The following FOXF2 variants were observed in gnomAD, a reference collection of about 807,000 sequenced individuals.
FOXF2 encodes forkhead box protein F2.
FOXF2 carries 15 observed loss-of-function variants against 29.1 expected under a neutral mutation model. The ratio of observed to expected loss-of-function variants is 0.52; its 90% confidence interval spans 0.35 to 0.79. FOXF2 has a LOEUF of 0.79. Among genes scored for constraint, FOXF2 ranks in the 30% least tolerant of loss-of-function variants. The pLI, the probability that FOXF2 is intolerant of heterozygous loss-of-function variation, is 0.01. For synonymous variants in FOXF2, 337 were observed against 316.5 expected (o/e 1.06, Z -0.69); for missense variants, 675 against 667.1 (o/e 1.01, Z -0.13).
At chr6:1,392,476 A>ACACCC (rs57146251) in intron 1 of FOXF2, among the ~76,000 whole-genome samples, 3 of 139,978 alleles carry the variant, frequency 2.1e-5, no homozygotes, top group East Asian at 4.4e-4. Flanking sequence ...ACACACACAC[A>ACACCC]CCCCTCGGTG....
At position 1,390,093 on chromosome 6, in the gene FOXF2, C is replaced by G. The variant is rs1758746057; in HGVS notation, c.146C>G (p.Ser49Trp). ...GCCCCGGAGACCACCTCCTCCTCCT[C>G]GTCGTCGTCCTCCGCCTCCTGCGCC... is the stretch of plus-strand genomic sequence containing the variant. ...AAAPETTSSS[S>W]SSSSASCASS... Residue 49 changes from serine to tryptophan, a missense_variant, in exon 1 of 2, where the codon TCG becomes TGG. By Grantham distance (177) the Ser-to-Trp change is radical (BLOSUM62 -3). Around this residue, in one of 3 missense-constraint regions of FOXF2, gnomAD observed 220 missense variants for 205.5 expected, o/e 1.07. Coordinates refer to ENST00000645481, the MANE Select transcript of FOXF2 (RefSeq NM_001452.2). This position sits in a 1 kb window ranked among gnomAD's most constrained non-coding sequence, Gnocchi z 8.5. 7.0e-7 allele frequency: 1 copy of G among 1,423,150 alleles called. No homozygotes were observed. The highest frequency in any genetic ancestry group is 9.3e-7 in the Non-Finnish European group (1 of 1,076,404). The allele number at this position is 1,423,150 out of a possible 1,614,324, so 88.2% of individuals were successfully genotyped here.
chr6:1,390,021 C>A lies in FOXF2; in HGVS notation c.74C>A (p.Ala25Asp). Residue 25 changes from alanine to aspartate, a missense_variant, in exon 1 of 2, where the codon GCC (alanine) becomes GAC (aspartate). Ala to Asp is a moderately radical substitution (Grantham distance 126). This residue lies in a region of FOXF2 where 220 missense variants were observed against 205.5 expected (regional missense o/e 1.07). Coordinates refer to ENST00000645481, the MANE Select transcript of FOXF2 (RefSeq NM_001452.2). This position sits in a 1 kb window ranked among gnomAD's most constrained non-coding sequence, Gnocchi z 8.5. The stretch of plus-strand genomic sequence containing the variant: ...AGCCCGGTCCCCGGCGCGCTCCAGG[C>A]CGCCCTGATGAGCCCGCCGCCCGCC... ...ACSPVPGALQ[A>D]ALMSPPPAAA... The A allele has an allele frequency of 7.9e-7, 1 of 1,273,262 alleles. No individual in the cohort carries two copies. The highest frequency in any genetic ancestry group is 2.0e-5 in the South Asian group (1 of 50,574). 78.9% of individuals were successfully genotyped at this position (1,273,262 alleles called of 1,614,324 possible).
rs760468619 is a variant in FOXF2, at chr6:1,390,884, A to G, written c.937A>G (p.Ser313Gly). ...CGGCGGCGACTACGGGCCGGACAGC[A>G]GCAGCAGCCCGGTACCCTCGTCCCC... ...GGGGDYGPDS[S>G]SSPVPSSPAM... is the part of the protein sequence containing the mutation. Residue 313 changes from serine (S) to glycine (G), a missense_variant, in exon 1 of 2, where the codon AGC (serine) becomes GGC (glycine). This residue lies in a region of FOXF2 where 451 missense variants were observed against 437.2 expected (regional missense o/e 1.03). Coordinates refer to ENST00000645481, the MANE Select transcript of FOXF2 (RefSeq NM_001452.2). The surrounding 1 kb of genome is among the most constrained non-coding windows in gnomAD (Gnocchi z 8.5). 4.8e-5 allele frequency: 73 copies of G among 1,531,510 alleles called. 1 individual carries two copies. In the South Asian group the frequency reaches 8.6e-4, roughly 18 times the overall value. The allele number at this position is 1,531,510 out of a possible 1,614,324, so 94.9% of individuals were successfully genotyped here.
At chr6:1,393,574 A>T (rs1461617958) in intron 1 of FOXF2, among the ~76,000 whole-genome samples, 3 of 152,040 alleles carry the variant, frequency 2.0e-5, no homozygotes, top group Admixed American at 6.5e-5. Flanking sequence ...GCGGCCCCTG[A>T]GCAGCCGCCT....
rs1175567015 is a variant in FOXF2 at position 1,390,712 on chromosome 6, C to T, written c.765C>T (p.Ala255=). The T allele has an allele frequency of 2.3e-5, 33 of 1,446,372 alleles. No individual in the cohort carries two copies. Among genetic ancestry groups the T allele is most frequent in the Non-Finnish European group, 7.2e-6 (8 of 1,110,720 alleles). 89.6% of individuals were successfully genotyped at this position (1,446,372 alleles called of 1,614,324 possible). ...ACATGATGCCCGCGGGCTACGACGC[C>T]GGCGCGGGCGCCCCCAGCCACGCGC... The part of the protein sequence containing the change: ...GLDMMPAGYD[A]GAGAPSHAHP... The change falls in exon 1 of 2, where the codon GCC becomes GCT. Residue 255 remains alanine, a synonymous_variant. Transcript: ENST00000645481. This position sits in a 1 kb window ranked among gnomAD's most constrained non-coding sequence, Gnocchi z 8.5.
At position 1,390,070 on chromosome 6, in the gene FOXF2, C is replaced by CGCCG; in HGVS notation, c.123_124insGCCG (p.Pro42AlafsTer123). On this transcript the variant is annotated frameshift_variant, in exon 1 of 2. Transcript: ENST00000645481. LOFTEE classifies it high-confidence loss of function. This position sits in a 1 kb window ranked among gnomAD's most constrained non-coding sequence, Gnocchi z 8.5. Reference sequence around the variant, plus strand: ...CCGCCGCCGCCGCCGCCGCCGCCGCCCCGGAGACCACCTCCTCCTCCTCGT... The same window carrying CGCCG: ...CCGCCGCCGCCGCCGCCGCCGCCGCCGCCGCCGGAGACCACCTCCTCCTCCTCGT... 2 of 1,397,774 alleles carry CGCCG rather than the reference C, an allele frequency of 1.4e-6. No homozygotes were observed. Among genetic ancestry groups the CGCCG allele is most frequent in the Non-Finnish European group, 1.9e-6 (2 of 1,066,740 alleles). 86.6% of individuals were successfully genotyped at this position (1,397,774 alleles called of 1,614,324 possible). A position where few individuals can be genotyped will look rare whatever the true frequency, so the allele number is the denominator to read the frequency against.
At position 1,389,901 on chromosome 6, in the gene FOXF2, C is replaced by A; in HGVS notation, c.-47C>A. 2 of 780,748 alleles carry A rather than the reference C, an allele frequency of 2.6e-6. No individual in the cohort carries two copies. Among genetic ancestry groups the A allele is most frequent in the Non-Finnish European group, 3.1e-6 (2 of 644,398 alleles). 48.4% of individuals were successfully genotyped at this position (780,748 alleles called of 1,614,324 possible). The stretch of plus-strand genomic sequence containing the variant: ...GACCCCGCTCCGGCGCCTCCGCTTC[C>A]CGCCCGGGGCCCGCCCTCGCGGCCC... On this transcript the variant is annotated 5_prime_UTR_variant, in exon 1 of 2. Coordinates refer to ENST00000645481, the MANE Select transcript of FOXF2 (RefSeq NM_001452.2).
At position 1,390,046 on chromosome 6, in the gene FOXF2, C is replaced by T. The variant is rs756860556; in HGVS notation, c.99C>T (p.Ala33=). ...CCGCCCTGATGAGCCCGCCGCCCGC[C>T]GCCGCCGCCGCCGCCGCCGCCGCCC... ...LQAALMSPPP[A]AAAAAAAAPE... Residue 33 remains alanine (A), a synonymous_variant, in exon 1 of 2, where the codon GCC becomes GCT. Transcript: ENST00000645481. The surrounding 1 kb of genome is among the most constrained non-coding windows in gnomAD (Gnocchi z 8.5). 1 of 1,340,096 alleles carries T rather than the reference C, an allele frequency of 7.5e-7. No homozygotes were observed. 83.0% of individuals were successfully genotyped at this position (1,340,096 alleles called of 1,614,324 possible).
Position 1,390,029 on chromosome 6 carries a change from A to C in FOXF2, c.82A>C (p.Met28Leu). The C allele has an allele frequency of 7.5e-7, 1 of 1,328,670 alleles. No individual in the cohort carries two copies. Among genetic ancestry groups the C allele is most frequent in the Non-Finnish European group, 9.6e-7 (1 of 1,036,800 alleles). The allele number at this position is 1,328,670 out of a possible 1,614,324, so 82.3% of individuals were successfully genotyped here. A position where few individuals can be genotyped will look rare whatever the true frequency, so the allele number is the denominator to read the frequency against. ...CCCCGGCGCGCTCCAGGCCGCCCTG[A>C]TGAGCCCGCCGCCCGCCGCCGCCGC... ...PVPGALQAAL[M>L]SPPPAAAAAA... The change falls in exon 1 of 2, where the codon ATG becomes CTG. Residue 28 changes from methionine to leucine, a missense_variant. Around this residue, in one of 3 missense-constraint regions of FOXF2, gnomAD observed 220 missense variants for 205.5 expected, o/e 1.07. Transcript: ENST00000645481. The surrounding 1 kb of genome is among the most constrained non-coding windows in gnomAD (Gnocchi z 8.5).
At chr6:1,392,896 C>T (rs771583954) in intron 1 of FOXF2, among the ~76,000 whole-genome samples, 8 of 152,216 alleles carry the variant, frequency 5.3e-5, no homozygotes, top group Non-Finnish European at 1.2e-4. Flanking sequence ...GACAATAGCT[C>T]GGGCCTGACG....
intron 1 of FOXF2, among the ~76,000 whole-genome samples, chr6:1,392,899 G>T (rs919218472): frequency 6.6e-6 from 1 of 152,200 alleles, no homozygotes; most frequent in Non-Finnish European, 1.5e-5. Context: ...AATAGCTCGG[G>T]CCTGACGCCC....
rs1758861795 is a variant in FOXF2, at chr6:1,394,608, C to A, written c.1172-88C>A. 29 of 1,324,298 alleles carry A rather than the reference C, an allele frequency of 2.2e-5. No individual in the cohort carries two copies. In the South Asian group the frequency reaches 3.4e-4, roughly 16 times the overall value. 82.0% of individuals were successfully genotyped at this position (1,324,298 alleles called of 1,614,324 possible). On this transcript the variant is annotated intron_variant, in intron 1 of 1. Coordinates refer to ENST00000645481, the MANE Select transcript of FOXF2 (RefSeq NM_001452.2). ...AATTTACTAAAAGGCACAGCAGCACCTTTTGTACTCTGAGGCAAAATAAGA... is the reference window on the plus strand; with the variant it reads ...AATTTACTAAAAGGCACAGCAGCACATTTTGTACTCTGAGGCAAAATAAGA...
intron 1 of FOXF2, among the ~76,000 whole-genome samples, chr6:1,391,555 A>AGCAG (rs1171144247): frequency 2.0e-5 from 3 of 152,204 alleles, no homozygotes; most frequent in Non-Finnish European, 4.4e-5. Flanking sequence ...TCCCGAAGTA[A>AGCAG]ATGTCAGAAT....
In FOXF2 at chr6:1,390,168, A is replaced by G. The variant is rs1397687135; in HGVS notation, c.221A>G (p.Lys74Arg). 1 of 1,460,492 alleles carries G rather than the reference A, an allele frequency of 6.8e-7. No homozygotes were observed. Among genetic ancestry groups the G allele is most frequent in the African/African-American group, 1.5e-5 (1 of 66,938 alleles). 90.5% of individuals were successfully genotyped at this position (1,460,492 alleles called of 1,614,324 possible). A position where few individuals can be genotyped will look rare whatever the true frequency, so the allele number is the denominator to read the frequency against. Residue 74 changes from lysine to arginine, a missense_variant, in exon 1 of 2, where the codon AAG becomes AGG. Coordinates refer to ENST00000645481, the MANE Select transcript of FOXF2 (RefSeq NM_001452.2). The surrounding 1 kb of genome is among the most constrained non-coding windows in gnomAD (Gnocchi z 8.5). ...NSASAPSAAC[K>R]SAGGGGAGAG... ...GCCAGCGCCCCCTCGGCTGCCTGCA[A>G]GAGCGCGGGCGGCGGCGGCGCGGGC...
Position 1,390,846 on chromosome 6 carries a change from C to CCGGGGG in FOXF2, c.903_908dup (p.Gly305_Gly306dup). 6 of 1,375,252 alleles carry CCGGGGG rather than the reference C, an allele frequency of 4.4e-6. No homozygotes were observed. Among genetic ancestry groups the CCGGGGG allele is most frequent in the Non-Finnish European group, 5.5e-6 (6 of 1,081,970 alleles). 85.2% of individuals were successfully genotyped at this position (1,375,252 alleles called of 1,614,324 possible). On this transcript the variant is annotated inframe_insertion, in exon 1 of 2. Coordinates refer to ENST00000645481, the MANE Select transcript of FOXF2 (RefSeq NM_001452.2). The surrounding 1 kb of genome is among the most constrained non-coding windows in gnomAD (Gnocchi z 8.5). Reference sequence around the variant, plus strand: ...GCGGGACCCGGGGGCGTCGGTGCGGCCGGGGGCGGCGGCGGCGGCGACTAC... The same window carrying CCGGGGG: ...GCGGGACCCGGGGGCGTCGGTGCGGCCGGGGGCGGGGGCGGCGGCGGCGGCGACTAC...
At position 1,389,932 on chromosome 6, in the gene FOXF2, C is replaced by T. The variant is rs1217760332; in HGVS notation, c.-16C>T. 2 of 963,614 alleles carry T rather than the reference C, an allele frequency of 2.1e-6. No homozygotes were observed. The highest frequency in any genetic ancestry group is 1.8e-5 in the African/African-American group (1 of 56,024). The allele number at this position is 963,614 out of a possible 1,614,324, so 59.7% of individuals were successfully genotyped here. A position where few individuals can be genotyped will look rare whatever the true frequency, so the allele number is the denominator to read the frequency against. On this transcript the variant is annotated 5_prime_UTR_variant, in exon 1 of 2. Coordinates refer to ENST00000645481, the MANE Select transcript of FOXF2 (RefSeq NM_001452.2). Reference sequence around the variant, plus strand: ...GGGGCCCGCCCTCGCGGCCCGGCCTCGCTCCCGGGTCCCAGATGACCACCG... The same window carrying T: ...GGGGCCCGCCCTCGCGGCCCGGCCTTGCTCCCGGGTCCCAGATGACCACCG...
Position 1,390,843 on chromosome 6 carries a change from C to A in FOXF2, c.896C>A (p.Ala299Glu), listed in dbSNP as rs759285624. 2.9e-6 allele frequency: 4 copies of A among 1,373,948 alleles called. No individual in the cohort carries two copies. The highest frequency in any genetic ancestry group is 3.6e-5 in the Admixed American group (1 of 27,434). The allele number at this position is 1,373,948 out of a possible 1,614,324, so 85.1% of individuals were successfully genotyped here. Reference protein sequence around the residue: ...PVPAGPGGVGAAGGGGGGDYG... With the variant: ...PVPAGPGGVGEAGGGGGGDYG... ...CCCGCGGGACCCGGGGGCGTCGGTG[C>A]GGCCGGGGGCGGCGGCGGCGGCGAC... Residue 299 changes from alanine to glutamate, a missense_variant, in exon 1 of 2, where the codon GCG becomes GAG. Ala to Glu is a moderately radical substitution (Grantham distance 107). Coordinates refer to ENST00000645481, the MANE Select transcript of FOXF2 (RefSeq NM_001452.2). This position sits in a 1 kb window ranked among gnomAD's most constrained non-coding sequence, Gnocchi z 8.5.
chr6:1,391,285 G>C (rs542429890), intron 1 of FOXF2, among the ~76,000 whole-genome samples, 167 bp downstream of exon 1: 1 of 152,362 alleles, frequency 6.6e-6, no homozygotes, highest in South Asian at 2.1e-4. Context: ...TGGGAGCAGG[G>C]ATCAGGGTCT....
At position 1,390,515 on chromosome 6, in the gene FOXF2, C is replaced by T. The variant is rs1361778079; in HGVS notation, c.568C>T (p.Arg190Cys). 1.2e-6 allele frequency: 2 copies of T among 1,610,258 alleles called. No individual in the cohort carries two copies. The highest frequency in any genetic ancestry group is 1.7e-5 in the Admixed American group (1 of 59,968). The change falls in exon 1 of 2, where the codon CGC becomes TGC. Residue 190 changes from arginine (R) to cysteine (C), a missense_variant. Arg to Cys is a radical substitution (Grantham distance 180). Around this residue, in one of 3 missense-constraint regions of FOXF2, gnomAD observed 451 missense variants for 437.2 expected, o/e 1.03. Transcript: ENST00000645481. The surrounding 1 kb of genome is among the most constrained non-coding windows in gnomAD (Gnocchi z 8.5). ...SEFMFEEGSF[R>C]RRPRGFRRKC... ...GTTCATGTTCGAGGAGGGCTCGTTC[C>T]GCCGCCGGCCGCGCGGCTTCAGGCG...
Sources: allele counts gnomAD v4.1 joint callset (sites outside exome capture counted in the v4.1 genomes callset), GRCh38; gene constraint gnomAD v4.1.1; regional missense constraint gnomAD v4.1.1; non-coding constraint Gnocchi (gnomAD v3.1); transcripts MANE v1.5; gene names NCBI Gene and HGNC (gene_info 2026-07-23, HGNC 2026-07-21).